The following SAMM50 variants were observed in gnomAD, a reference collection of about 807,000 sequenced individuals.
SAMM50 encodes SAMM50 sorting and assembly machinery component, also known as sorting and assembly machinery component 50 homolog.
In SAMM50, 47 loss-of-function variants were observed where a neutral mutation model predicts 66.9. The observed-to-expected ratio is 0.70, with a 90% confidence interval of 0.56 to 0.90. SAMM50 has a LOEUF of 0.90. Among genes scored for constraint, SAMM50 ranks in the 40% least tolerant of loss-of-function variants. SAMM50 has a pLI of 0.00. For synonymous variants in SAMM50, 191 were observed against 214.1 expected (o/e 0.89, Z 0.94); for missense variants, 535 against 595.3 (o/e 0.90, Z 1.05).
chr22:43,963,974 C>G (rs1405066897), intron 2 of SAMM50, among the ~76,000 whole-genome samples: 1 of 152,012 alleles, frequency 6.6e-6, no homozygotes, highest in Non-Finnish European at 1.5e-5. Context: ...GCGGCACAAT[C>G]TTGGCTCATT....
At chr22:43,992,328 C>T (rs6006471) in intron 14 of SAMM50, among the ~76,000 whole-genome samples, 141,282 of 152,332 alleles carry the variant, frequency 0.93, 65,620 homozygotes, top group East Asian at 1. Context: ...GAATCTGCTC[C>T]TTACACTCTT....
chr22:43,994,253 C>T (rs757022812), intron 14 of SAMM50, among the ~76,000 whole-genome samples: 4 of 152,208 alleles, frequency 2.6e-5, no homozygotes, highest in Admixed American at 6.5e-5. Context: ...GAACCGCGTC[C>T]TACAGGAACA....
At chr22:43,970,097 A>C (rs2050195865) in intron 4 of SAMM50, among the ~76,000 whole-genome samples, 2 of 152,338 alleles carry the variant, frequency 1.3e-5, no homozygotes, top group South Asian at 2.1e-4. Flanking sequence ...CAACACTAAC[A>C]GACCTAAAAG....
intron 12 of SAMM50, among the ~76,000 whole-genome samples, 183 bp downstream of exon 12, chr22:43,984,183 A>G (rs943258391): frequency 2.0e-5 from 3 of 152,228 alleles, no homozygotes; most frequent in Non-Finnish European, 2.9e-5. Context: ...TTGTAGGAAA[A>G]TGAGAAAATA....
At chr22:43,966,819 T>TC (rs397782364) in intron 3 of SAMM50, among the ~76,000 whole-genome samples, 1 of 151,960 alleles carries the variant, frequency 6.6e-6, no homozygotes, top group African/African-American at 2.4e-5. Flanking sequence ...TTTTTTTTTT[T>TC]CTGTTTAGTG....
chr22:43,991,271 C>T (rs903964835), intron 14 of SAMM50, among the ~76,000 whole-genome samples: 3 of 150,184 alleles, frequency 2.0e-5, no homozygotes, highest in African/African-American at 4.9e-5. Context: ...CCACCACGCC[C>T]GGCATTTTTT....
chr22:43,959,233 G>A (rs1375243073), intron 1 of SAMM50, among the ~76,000 whole-genome samples: 1 of 151,884 alleles, frequency 6.6e-6, no homozygotes, highest in Non-Finnish European at 1.5e-5. Context: ...TGTCCAGGCT[G>A]GTCCTGAACT....
chr22:43,989,799 CTGTT>C (rs146570360), intron 13 of SAMM50, among the ~76,000 whole-genome samples: 13,110 of 152,146 alleles, frequency 0.086, 769 homozygotes, highest in South Asian at 0.23. Flanking sequence ...GAAGAAAAAT[CTGTT>C]TGTCTATTTA....
chr22:43,961,301 G>A (rs1186092336), intron 1 of SAMM50, among the ~76,000 whole-genome samples: 1 of 152,170 alleles, frequency 6.6e-6, no homozygotes, highest in Non-Finnish European at 1.5e-5. Context: ...GACCTTCTGT[G>A]TCCATCTCTA....
At chr22:43,977,072 A>T (rs146521630) in intron 9 of SAMM50, among the ~76,000 whole-genome samples, 2 of 152,156 alleles carry the variant, frequency 1.3e-5, no homozygotes, top group African/African-American at 4.8e-5. Flanking sequence ...GGCATCCTTG[A>T]TGAGGGCCTG....
chr22:43,955,646 G>C (rs1277481685), intron 1 of SAMM50, 48 bp downstream of exon 1: 68 of 1,545,428 alleles, frequency 4.4e-5, no homozygotes, highest in Non-Finnish European at 5.5e-5. Context: ...GGGCCAGCAG[G>C]GCAGACGGGC....
At chr22:43,973,138 A>G (rs1295526819) in intron 6 of SAMM50, 98 bp from the exon 7 acceptor site, 2 of 1,341,888 alleles carry the variant, frequency 1.5e-6, no homozygotes. Flanking sequence ...CCTCTTGAAG[A>G]TGAGCCCTAC....
At chr22:43,975,861 C>G (rs915909246) in intron 7 of SAMM50, 194 bp from the exon 8 acceptor site, 4 of 585,180 alleles carry the variant, frequency 6.8e-6, no homozygotes, top group Non-Finnish European at 1.2e-5. Context: ...AGCTTTCCCC[C>G]TTTCTTCCTT....
At chr22:43,960,853 A>G (rs369520828) in intron 1 of SAMM50, among the ~76,000 whole-genome samples, 7 of 152,308 alleles carry the variant, frequency 4.6e-5, no homozygotes, top group East Asian at 1.9e-4. Flanking sequence ...AGGAGATGAC[A>G]TTAAGGTGGA....
chr22:43,976,293 T>TC, intron 8 of SAMM50, 110 bp downstream of exon 8: 2 of 1,340,396 alleles, frequency 1.5e-6, no homozygotes, highest in Non-Finnish European at 2.1e-6. Context: ...GTCACCCAGA[T>TC]GGGGTGTCCA....
Position 43,983,842 on chromosome 22 carries a change from T to G in SAMM50, c.1008-91T>G. On this transcript the variant is annotated intron_variant, in intron 11 of 14. Transcript: ENST00000350028. The surrounding 1 kb of genome is among the most constrained non-coding windows in gnomAD (Gnocchi z 4.2). ...GCTGTCGATAATCTAGTATCGAATGTGAGTCTGACATGTGTTTCCTACGCG... is the reference window on the plus strand; with the variant it reads ...GCTGTCGATAATCTAGTATCGAATGGGAGTCTGACATGTGTTTCCTACGCG... The G allele has an allele frequency of 2.3e-6, 2 of 866,822 alleles. No individual in the cohort carries two copies. The highest frequency in any genetic ancestry group is 1.7e-5 in the African/African-American group (1 of 57,194). 53.7% of individuals were successfully genotyped at this position (866,822 alleles called of 1,614,324 possible).
chr22:43,955,675 C>A, intron 1 of SAMM50, 77 bp downstream of exon 1: 1 of 1,460,298 alleles, frequency 6.8e-7, no homozygotes. Context: ...GAGACGCTCT[C>A]GTGGCTGCGC....
intron 3 of SAMM50, among the ~76,000 whole-genome samples, chr22:43,965,615 T>C (rs1451757535): frequency 6.6e-6 from 1 of 152,222 alleles, no homozygotes; most frequent in Non-Finnish European, 1.5e-5. Context: ...CAATTTTCCC[T>C]ACCCCGGCCA....
At chr22:43,967,543 C>T (rs2050179647) in intron 3 of SAMM50, among the ~76,000 whole-genome samples, 1 of 152,230 alleles carries the variant, frequency 6.6e-6, no homozygotes, top group South Asian at 2.1e-4. Context: ...CTGTCCTCCC[C>T]TCCAATACCA....
Sources: gnomAD v4.1 joint callset for allele counts (sites outside exome capture counted in the v4.1 genomes callset) on GRCh38, gnomAD v4.1.1 for gene constraint, Gnocchi (gnomAD v3.1) non-coding constraint, MANE v1.5 for transcripts, NCBI Gene and HGNC (gene_info 2026-07-23, HGNC 2026-07-21) for gene names.